The following EYS variants were observed in gnomAD, a reference collection of about 807,000 sequenced individuals.
EYS encodes the protein EGF-like photoreceptor maintenance factor.
EYS carries 250 observed loss-of-function variants against 282.1 expected under a neutral mutation model. The observed-to-expected ratio is 0.89, with a 90% confidence interval of 0.80 to 0.98. EYS has a LOEUF of 0.98. EYS is among the 50% of genes least tolerant of loss of function. EYS has a pLI of 0.00. For missense variants in EYS, 4,016 were observed against 3,709.0 expected (o/e 1.08, Z -2.15); for synonymous variants, 1,355 against 1,282.9 (o/e 1.06, Z -1.20).
At chr6:64,256,444 G>A (rs1004249396) in intron 30 of EYS, among the ~76,000 whole-genome samples, 8 of 151,922 alleles carry the variant, frequency 5.3e-5, no homozygotes, top group African/African-American at 1.9e-4. Context: ...ATGGCTATGT[G>A]GAAACCACTT....
At chr6:64,973,852 CA>C (rs1182373464) in intron 14 of EYS, among the ~76,000 whole-genome samples, 1 of 151,798 alleles carries the variant, frequency 6.6e-6, no homozygotes, top group African/African-American at 2.4e-5. Context: ...ATTTCCAAGT[CA>C]AAAGGGTGAA....
intron 16 of EYS, among the ~76,000 whole-genome samples, chr6:64,911,564 T>C (rs2150076271): frequency 6.6e-6 from 1 of 152,286 alleles, no homozygotes; most frequent in East Asian, 1.9e-4. Context: ...AAATAAGTGA[T>C]ATCCTTATTA....
chr6:65,210,644 A>T (rs112367476), intron 12 of EYS, among the ~76,000 whole-genome samples: 1,642 of 152,110 alleles, frequency 0.011, 32 homozygotes, highest in African/African-American at 0.038. Context: ...GAAAATAAAT[A>T]ATAGTGTATT....
chr6:64,950,425 T>C (rs1769446685), intron 14 of EYS, among the ~76,000 whole-genome samples: 1 of 151,746 alleles, frequency 6.6e-6, no homozygotes, highest in South Asian at 2.1e-4. Context: ...CAAATAGAAA[T>C]TTAGCCAATG....
intron 12 of EYS, among the ~76,000 whole-genome samples, chr6:65,262,451 T>G (rs1238947362): frequency 6.6e-6 from 1 of 152,192 alleles, no homozygotes; most frequent in African/African-American, 2.4e-5. Context: ...GTTAACTCAT[T>G]CACTTAGAAA....
At chr6:65,574,152 G>T (rs1764575698) in intron 2 of EYS, among the ~76,000 whole-genome samples, 2 of 152,144 alleles carry the variant, frequency 1.3e-5, no homozygotes, top group African/African-American at 4.8e-5. Context: ...TCAGCTTTGT[G>T]ACTGTTCCAT....
At chr6:64,298,638 A>C (rs1295814998) in intron 30 of EYS, among the ~76,000 whole-genome samples, 2 of 152,154 alleles carry the variant, frequency 1.3e-5, no homozygotes, top group Non-Finnish European at 2.9e-5. Context: ...TATCAAGAAT[A>C]AGGAACACAT....
intron 13 of EYS, among the ~76,000 whole-genome samples, chr6:65,057,244 G>T (rs1321038622): frequency 1.3e-5 from 2 of 152,028 alleles, no homozygotes; most frequent in African/African-American, 4.8e-5. Flanking sequence ...CAGATGATTA[G>T]CTTAGAAAGA....
At position 65,494,667 on chromosome 6, in the gene EYS, A is replaced by G. The variant is rs768173246; in HGVS notation, c.744T>C (p.Phe248=). The G allele has an allele frequency of 5.1e-6, 8 of 1,559,474 alleles. No homozygotes were observed. Among genetic ancestry groups the G allele is most frequent in the Non-Finnish European group, 7.0e-6 (8 of 1,149,944 alleles). Residue 248 remains phenylalanine (F), a synonymous_variant, in exon 4 of 43, where the codon TTT becomes TTC. Transcript: ENST00000503581. ...ATATATTTTAAACAATCTTACCTGT[A>G]AATGGTGGGTGACAGACACATTCAT... ...QAYECVCHPP[F]TGKNCSEIIG...
chr6:65,191,358 T>C lies in EYS; in HGVS notation c.2023+104505A>G, dbSNP rs1217763318. Among the ~76,000 whole-genome samples the C allele has an allele frequency of 3.3e-5, 5 of 151,854 alleles. No individual in the cohort carries two copies. The East Asian group carries it at 9.7e-4, about 29-fold the overall frequency. ...TTTGACCTAATGAATATTGGTTTTG[T>C]TGTGGCAAAAGAACAAAAAATGGAA... On this transcript the variant is annotated intron_variant, in intron 12 of 42. Coordinates refer to ENST00000503581, the MANE Select transcript of EYS (RefSeq NM_001142800.2).
chr6:65,367,812 A>T (rs1054739395), intron 8 of EYS, among the ~76,000 whole-genome samples: 24 of 151,776 alleles, frequency 1.6e-4, no homozygotes, highest in Admixed American at 8.0e-4. Context: ...TCAACAGAAA[A>T]CATGTGGATT....
chr6:65,363,316 C>A (rs9445527), intron 8 of EYS, among the ~76,000 whole-genome samples: 102,310 of 151,726 alleles, frequency 0.67, 34,579 homozygotes, highest in South Asian at 0.71. Context: ...CCTTTCCCAG[C>A]TAATTGCTAA....
intron 25 of EYS, 84 bp downstream of exon 25, chr6:64,593,033 G>T (rs1316580640): frequency 3.9e-6 from 4 of 1,019,518 alleles, no homozygotes; most frequent in Non-Finnish European, 5.4e-6. Flanking sequence ...AAAAAAAAAA[G>T]ATTTTAATAA....
chr6:63,798,987 G>GTATATA (rs56290982), intron 37 of EYS, among the ~76,000 whole-genome samples: 1,221 of 85,670 alleles, frequency 0.014, 9 homozygotes, highest in East Asian at 0.021. Context: ...GTATATGTGT[G>GTATATA]TATATATATA....
rs188534317 is a variant in EYS at position 65,010,009 on chromosome 6, C to T, written c.2138-12306G>A. Among the ~76,000 whole-genome samples, 13 of 152,260 alleles carry T rather than the reference C, an allele frequency of 8.5e-5. 1 individual carries two copies. The East Asian group carries it at 1.9e-3, about 23-fold the overall frequency. Reference sequence around the variant, plus strand: ...TTAAGGAAACTCAGAAATCCAATACCCATTTAGTAAGATGGACACCTGAAT... The same window carrying T: ...TTAAGGAAACTCAGAAATCCAATACTCATTTAGTAAGATGGACACCTGAAT... On this transcript the variant is annotated intron_variant, in intron 13 of 42. Coordinates refer to ENST00000503581, the MANE Select transcript of EYS (RefSeq NM_001142800.2).
chr6:64,206,161 T>C (rs1765603250), intron 31 of EYS, among the ~76,000 whole-genome samples: 1 of 152,144 alleles, frequency 6.6e-6, no homozygotes, highest in South Asian at 2.1e-4. Context: ...CTAAAAATTA[T>C]AAAAATAAGT....
intron 35 of EYS, among the ~76,000 whole-genome samples, chr6:63,876,954 T>C (rs1772990151): frequency 6.6e-6 from 1 of 152,220 alleles, no homozygotes; most frequent in Non-Finnish European, 1.5e-5. Flanking sequence ...AATTGGAGCA[T>C]TTAGCCCATT....
intron 2 of EYS, among the ~76,000 whole-genome samples, chr6:65,612,202 A>G (rs1270087797): frequency 6.6e-6 from 1 of 150,752 alleles, no homozygotes; most frequent in Admixed American, 6.7e-5. Flanking sequence ...CCCTGTATAT[A>G]TATGTATATA....
intron 41 of EYS, among the ~76,000 whole-genome samples, chr6:63,748,905 CTATTT>C (rs898965335): frequency 7.9e-5 from 12 of 151,706 alleles, no homozygotes; most frequent in Non-Finnish European, 1.5e-4. Flanking sequence ...AGCTAGTGGT[CTATTT>C]TATTTTATTT....
Sources: gnomAD v4.1 joint callset for allele counts (sites outside exome capture counted in the v4.1 genomes callset) on GRCh38, gnomAD v4.1.1 for gene constraint, MANE v1.5 for transcripts, NCBI Gene and HGNC (gene_info 2026-07-23, HGNC 2026-07-21) for gene names.